Variants in RBM41 observed in about 807,000 individuals in gnomAD.
RBM41 encodes RNA-binding protein 41.
A neutral mutation model predicts 30.8 loss-of-function variants in RBM41; 14 were observed. The observed-to-expected ratio is 0.45, with a 90% CI of 0.30 to 0.71. The LOEUF is 0.71. RBM41 is among the 30% of genes least tolerant of loss of function. The pLI, the probability that RBM41 is intolerant of heterozygous loss-of-function variation, is 0.08. For missense variants in RBM41, 276 were observed against 326.3 expected (o/e 0.85, Z 1.19); for synonymous variants, 120 against 110.1 (o/e 1.09, Z -0.56).
the RBM41 span, among the ~76,000 whole-genome samples, chrX:107,055,125 C>T: frequency 8.9e-6 from 1 of 111,830 alleles, no homozygotes; most frequent in Admixed American, 9.4e-5. Context: ...TGGCTTATTC[C>T]ATAGCATAAC....
intron 5 of RBM41, among the ~76,000 whole-genome samples, chrX:107,108,522 C>T (rs1489499495): frequency 2.7e-5 from 3 of 111,454 alleles, no homozygotes; most frequent in South Asian, 7.4e-4. Context: ...AATCAAATTG[C>T]TGAAAATGAA....
At chrX:107,081,027 G>A (rs2147924739) in intron 6 of RBM41, among the ~76,000 whole-genome samples, 1 of 111,672 alleles carries the variant, frequency 9.0e-6, no homozygotes, top group South Asian at 3.7e-4. Context: ...TGTTAATAAA[G>A]TCTGACTTAC....
At chrX:107,061,782 G>A (rs1424668314), downstream of RBM41, among the ~76,000 whole-genome samples, 2 of 111,003 alleles carry the variant, frequency 1.8e-5, no homozygotes, top group Non-Finnish European at 3.8e-5. Flanking sequence ...CTGACCTGTG[G>A]GCAGAAAATA....
chrX:107,060,408 T>C (rs2147849124), downstream of RBM41, among the ~76,000 whole-genome samples: 1 of 110,050 alleles, frequency 9.1e-6, no homozygotes, highest in Non-Finnish European at 1.9e-5. Flanking sequence ...ATGATTGGGA[T>C]CAATGATGTT....
chrX:107,064,168 G>A lies in RBM41; in HGVS notation c.*3359C>T, dbSNP rs1291736745. Reference sequence around the variant, plus strand: ...GGGTTTCACCATGTTACCCAGAATGGTCTCGATCTCCTGACCCCATGATCT... The same window carrying A: ...GGGTTTCACCATGTTACCCAGAATGATCTCGATCTCCTGACCCCATGATCT... On this transcript the variant is annotated 3_prime_UTR_variant, in exon 8 of 8. Transcript: ENST00000685964. Among the ~76,000 whole-genome samples, 1 of 109,385 alleles carries A rather than the reference G, an allele frequency of 9.1e-6. No homozygotes were observed. Among genetic ancestry groups the A allele is most frequent in the East Asian group, 2.9e-4 (1 of 3,483 alleles). The allele number at this position is 109,385 out of a possible 115,157, so 95.0% of individuals were successfully genotyped here.
intron 4 of RBM41, 112 bp downstream of exon 4, chrX:107,115,240 G>T: frequency 1.3e-6 from 1 of 787,286 alleles, no homozygotes; most frequent in Non-Finnish European, 1.9e-6. Flanking sequence ...CTCAAAAGTA[G>T]TGACAATTTG....
intron 1 of RBM41, among the ~76,000 whole-genome samples, chrX:107,118,286 G>C (rs780333013): frequency 5.8e-4 from 60 of 103,185 alleles, no homozygotes; most frequent in African/African-American, 1.9e-3. Flanking sequence ...CTTACTTTAA[G>C]ATTCGAAAGC....
rs907235880 is a variant in RBM41, at chrX:107,065,175, T to C, written c.*2352A>G. 7 of 111,543 alleles carry C rather than the reference T, an allele frequency of 6.3e-5. No individual in the cohort carries two copies. The highest frequency in any genetic ancestry group is 1.6e-4 in the African/African-American group (5 of 30,712). The allele number at this position is 111,543 out of a possible 1,213,427, so 9.2% of individuals were successfully genotyped here. ...TCTTCTAAAGTGTGTCTCAAATAGATGGCATGAAGTGGAATCAGACTTGTT... is the reference window on the plus strand; with the variant it reads ...TCTTCTAAAGTGTGTCTCAAATAGACGGCATGAAGTGGAATCAGACTTGTT... On this transcript the variant is annotated 3_prime_UTR_variant, in exon 8 of 8. Coordinates refer to ENST00000685964, the MANE Select transcript of RBM41 (RefSeq NM_001324242.2).
intron 6 of RBM41, among the ~76,000 whole-genome samples, chrX:107,072,208 A>G (rs920290750): frequency 9.4e-6 from 1 of 106,583 alleles, no homozygotes. Flanking sequence ...CCCTGTTTGC[A>G]GACAACATGA....
chrX:107,095,593 CT>C (rs1247408163), intron 5 of RBM41, among the ~76,000 whole-genome samples: 30 of 102,744 alleles, frequency 2.9e-4, no homozygotes, highest in African/African-American at 1.0e-3. Context: ...AAGACTCCAT[CT>C]AAAAAAAAAA....
intron 5 of RBM41, among the ~76,000 whole-genome samples, chrX:107,111,843 G>A: frequency 9.0e-6 from 1 of 111,458 alleles, no homozygotes; most frequent in South Asian, 3.7e-4. Context: ...GAAACAGAAA[G>A]TAGGATGGTG....
intron 6 of RBM41, chrX:107,070,318 T>C (rs1440266983): frequency 9.1e-6 from 3 of 330,037 alleles, no homozygotes; most frequent in African/African-American, 8.0e-5. Context: ...AAGAGAATAC[T>C]AAATGTTGAG....
intron 6 of RBM41, among the ~76,000 whole-genome samples, chrX:107,083,891 G>A (rs1175646989): frequency 1.9e-5 from 2 of 107,085 alleles, no homozygotes; most frequent in Non-Finnish European, 3.8e-5. Flanking sequence ...TGGTTCTCAC[G>A]CTTGTTTTGC....
intron 5 of RBM41, among the ~76,000 whole-genome samples, chrX:107,109,542 A>G (rs1051501700): frequency 3.9e-4 from 43 of 111,375 alleles, no homozygotes; most frequent in African/African-American, 1.2e-3. Flanking sequence ...CAAAGAACTA[A>G]CTTTTGGTTT....
Position 107,088,419 on chromosome X carries a change from C to G in RBM41, c.999+17G>C, listed in dbSNP as rs767891045. ...AGCGAAATCAACCCAGGTTGTTTTA[C>G]TTGGTTTGGCCTATACCTTGTTTGG... On this transcript the variant is annotated intron_variant, in intron 6 of 7. Coordinates refer to ENST00000685964, the MANE Select transcript of RBM41 (RefSeq NM_001324242.2). 2.5e-6 allele frequency: 3 copies of G among 1,187,737 alleles called. No homozygotes were observed. The East Asian group carries it at 9.0e-5, about 35-fold the overall frequency.
In RBM41 at chrX:107,067,480, A is replaced by T; in HGVS notation, c.*47T>A. On this transcript the variant is annotated 3_prime_UTR_variant, in exon 8 of 8. Coordinates refer to ENST00000685964, the MANE Select transcript of RBM41 (RefSeq NM_001324242.2). ...TCTATACATAAATCCTAGATCCAAG[A>T]TTCCAATTCAAGAAAGACCATCCAG... is the stretch of plus-strand genomic sequence containing the variant. 1 of 1,129,645 alleles carries T rather than the reference A, an allele frequency of 8.9e-7. No homozygotes were observed. The highest frequency in any genetic ancestry group is 1.2e-6 in the Non-Finnish European group (1 of 852,643). The allele number at this position is 1,129,645 out of a possible 1,213,427, so 93.1% of individuals were successfully genotyped here. A position where few individuals can be genotyped will look rare whatever the true frequency, so the allele number is the denominator to read the frequency against.
chrX:107,099,690 T>TACAC (rs58279760), intron 5 of RBM41, among the ~76,000 whole-genome samples: 2,980 of 92,470 alleles, frequency 0.032, 54 homozygotes, highest in African/African-American at 0.063. Context: ...TCCTGAAAGG[T>TACAC]ACACACACAC....
At chrX:107,103,326 T>C (rs1279997248) in intron 5 of RBM41, among the ~76,000 whole-genome samples, 2 of 110,670 alleles carry the variant, frequency 1.8e-5, no homozygotes, top group Non-Finnish European at 3.8e-5. Context: ...ATGACTGATA[T>C]CCTTTTAAGA....
intron 6 of RBM41, among the ~76,000 whole-genome samples, chrX:107,071,115 T>A (rs1323569837): frequency 1.9e-5 from 2 of 106,755 alleles, no homozygotes; most frequent in African/African-American, 6.8e-5. Flanking sequence ...GAACGTAAGA[T>A]GTTATCAGCT....
Sources: allele counts gnomAD v4.1 joint callset (sites outside exome capture counted in the v4.1 genomes callset), GRCh38; gene constraint gnomAD v4.1.1; transcripts MANE v1.5; gene names NCBI Gene and HGNC (gene_info 2026-07-23, HGNC 2026-07-21).